Variants in NCAPG observed in about 807,000 individuals in gnomAD.
NCAPG encodes condensin complex subunit 3.
A neutral mutation model predicts 113.1 loss-of-function variants in NCAPG; 69 were observed. The observed-to-expected ratio is 0.61, with a 90% confidence interval of 0.50 to 0.75. NCAPG has a LOEUF of 0.75. NCAPG is among the 30% of genes least tolerant of loss of function. The pLI, the probability that NCAPG is intolerant of heterozygous loss-of-function variation, is 0.00. For synonymous variants in NCAPG, 370 were observed against 415.8 expected (o/e 0.89, Z 1.34); for missense variants, 1,058 against 1,177.0 (o/e 0.90, Z 1.48).
chr4:17,818,788 A>C (rs1041295764), intron 7 of NCAPG, among the ~76,000 whole-genome samples: 2 of 152,194 alleles, frequency 1.3e-5, no homozygotes, highest in Non-Finnish European at 2.9e-5. Context: ...AATTTGGATT[A>C]CCATAATTAT....
chr4:17,836,930 T>A (rs1216169336), intron 14 of NCAPG, among the ~76,000 whole-genome samples: 1 of 152,186 alleles, frequency 6.6e-6, no homozygotes, highest in Non-Finnish European at 1.5e-5. Flanking sequence ...GATAATTGAA[T>A]TTTTCATGGC....
Position 17,816,136 on chromosome 4 carries a change from G to A in NCAPG, c.775+778G>A, listed in dbSNP as rs1721199606. Among the ~76,000 whole-genome samples, 3 of 151,878 alleles carry A rather than the reference G, an allele frequency of 2.0e-5. No individual in the cohort carries two copies. The South Asian group carries it at 6.2e-4, about 32-fold the overall frequency. ...CCAAGGATCGATTTCATGGAAGACAGTTTTTCCACAGAGGGCGGGCTGGAT... is the reference window on the plus strand; with the variant it reads ...CCAAGGATCGATTTCATGGAAGACAATTTTTCCACAGAGGGCGGGCTGGAT... On this transcript the variant is annotated intron_variant, in intron 5 of 20. Transcript: ENST00000251496.
At chr4:17,839,407 CT>C in intron 16 of NCAPG, among the ~76,000 whole-genome samples, 1 of 152,232 alleles carries the variant, frequency 6.6e-6, no homozygotes, top group East Asian at 1.9e-4. Context: ...CAGCTGGGAA[CT>C]TTTACCCTCC....
At chr4:17,820,940 C>T (rs1721430249) in intron 7 of NCAPG, among the ~76,000 whole-genome samples, 1 of 152,088 alleles carries the variant, frequency 6.6e-6, no homozygotes. Flanking sequence ...TGTTGAAAGC[C>T]ATCTTAAATA....
Position 17,842,354 on chromosome 4 carries a change from C to CA in NCAPG, c.2900dup (p.Thr968AspfsTer3). The CA allele has an allele frequency of 6.2e-7, 1 of 1,612,142 alleles. No individual in the cohort carries two copies. The highest frequency in any genetic ancestry group is 8.5e-7 in the Non-Finnish European group (1 of 1,178,510). ...TTCAGCTAGGACGAACAGGAGGTGT[C>CA]AGACTGCTGAAGCCGACTCTGAAAG... On this transcript the variant is annotated frameshift_variant, in exon 20 of 21. Transcript: ENST00000251496. LOFTEE classifies it high-confidence loss of function.
intron 16 of NCAPG, 61 bp from the exon 17 acceptor site, chr4:17,839,615 A>G: frequency 8.5e-7 from 1 of 1,174,682 alleles, no homozygotes; most frequent in Non-Finnish European, 1.1e-6. Context: ...TTAGATGTGT[A>G]AGACTATATA....
chr4:17,837,016 CT>C, intron 14 of NCAPG, 142 bp from the exon 15 acceptor site: 1 of 631,790 alleles, frequency 1.6e-6, no homozygotes, highest in Admixed American at 3.6e-5. Context: ...AAGAAACAGT[CT>C]TTTTATTTGC....
chr4:17,813,199 C>T, intron 3 of NCAPG, 54 bp downstream of exon 3: 3 of 1,442,968 alleles, frequency 2.1e-6, no homozygotes, highest in Non-Finnish European at 1.9e-6. Flanking sequence ...GTTAAATTCT[C>T]AGTATTTGAA....
At position 17,823,047 on chromosome 4, in the gene NCAPG, T is replaced by C. The variant is rs973284657; in HGVS notation, c.1183T>C (p.Leu395=). 1 of 1,610,064 alleles carries C rather than the reference T, an allele frequency of 6.2e-7. No individual in the cohort carries two copies. The highest frequency in any genetic ancestry group is 8.5e-7 in the Non-Finnish European group (1 of 1,178,282). ...HRGDFSYIGN[L]MTKEFIGQQL... ...AGGTGATTTTTCCTATATTGGAAATTTGATGACAAAAGAATTCATAGGTCA... is the reference window on the plus strand; with the variant it reads ...AGGTGATTTTTCCTATATTGGAAATCTGATGACAAAAGAATTCATAGGTCA... Residue 395 remains leucine, a synonymous_variant, in exon 8 of 21, where the codon TTG becomes CTG. Coordinates refer to ENST00000251496, the MANE Select transcript of NCAPG (RefSeq NM_022346.5).
chr4:17,814,835 G>C lies in NCAPG; in HGVS notation c.545-18G>C. 1 of 1,606,418 alleles carries C rather than the reference G, an allele frequency of 6.2e-7. No individual in the cohort carries two copies. The highest frequency in any genetic ancestry group is 8.5e-7 in the Non-Finnish European group (1 of 1,173,590). On this transcript the variant is annotated intron_variant, in intron 3 of 20. Coordinates refer to ENST00000251496, the MANE Select transcript of NCAPG (RefSeq NM_022346.5). ...TAAATAATTTCATCAGTACTAAAAT[G>C]TATTGCTTTATTTTTAGCATATGCT... is the stretch of plus-strand genomic sequence containing the variant.
Position 17,834,223 on chromosome 4 carries a change from C to T in NCAPG, c.1885-76C>T, listed in dbSNP as rs1721990543. ...ATTTGACTAAGAAAAAAACAAGATA[C>T]ATATTAATTTTATGTAAACAGAAAC... On this transcript the variant is annotated intron_variant, in intron 13 of 20. Transcript: ENST00000251496. The T allele has an allele frequency of 5.4e-6, 5 of 919,392 alleles. No individual in the cohort carries two copies. In the East Asian group the frequency reaches 1.4e-4, roughly 26 times the overall value. 57.0% of individuals were successfully genotyped at this position (919,392 alleles called of 1,614,324 possible). A position where few individuals can be genotyped will look rare whatever the true frequency, so the allele number is the denominator to read the frequency against.
chr4:17,814,366 C>T (rs1166956180), intron 3 of NCAPG, among the ~76,000 whole-genome samples: 1 of 152,100 alleles, frequency 6.6e-6, no homozygotes, highest in Non-Finnish European at 1.5e-5. Context: ...AGCACTTTGG[C>T]TCCAACCTGG....
chr4:17,811,049 A>T lies in NCAPG; in HGVS notation c.-29A>T, dbSNP rs1720899743. ...TGGCAGGCTGTAGCCGAGCGCGGGC[A>T]GGACTCGTCCCGGCAGGGTTCCAGA... On this transcript the variant is annotated 5_prime_UTR_variant, in exon 1 of 21. Coordinates refer to ENST00000251496, the MANE Select transcript of NCAPG (RefSeq NM_022346.5). The surrounding 1 kb of genome is among the most constrained non-coding windows in gnomAD (Gnocchi z 5.3). The T allele has an allele frequency of 7.2e-7, 1 of 1,388,830 alleles. No individual in the cohort carries two copies. The highest frequency in any genetic ancestry group is 9.6e-7 in the Non-Finnish European group (1 of 1,040,740). The allele number at this position is 1,388,830 out of a possible 1,614,324, so 86.0% of individuals were successfully genotyped here. A position where few individuals can be genotyped will look rare whatever the true frequency, so the allele number is the denominator to read the frequency against.
rs140475750 is a variant in NCAPG at position 17,839,781 on chromosome 4, G to A, written c.2572G>A (p.Glu858Lys). ...RVYTKALSSL[E>K]LSSHLAKDLL... ...CTATACAAAAGCCTTGAGTTCTTTAGAACTCAGTAGCCATCTTGCAAAAGA... is the reference window on the plus strand; with the variant it reads ...CTATACAAAAGCCTTGAGTTCTTTAAAACTCAGTAGCCATCTTGCAAAAGA... Residue 858 changes from glutamate (E) to lysine (K), a missense_variant, in exon 17 of 21, where the codon GAA (glutamate) becomes AAA (lysine). By Grantham distance (56) the Glu-to-Lys change is moderately conservative. Transcript: ENST00000251496. 1,849 of 1,587,136 alleles carry A rather than the reference G, an allele frequency of 1.2e-3. 3 individuals carry two copies. Among genetic ancestry groups the A allele is most frequent in the Non-Finnish European group, 1.2e-3 (1,435 of 1,173,842 alleles).
intron 13 of NCAPG, among the ~76,000 whole-genome samples, chr4:17,832,819 A>G (rs1433113899): frequency 6.6e-6 from 1 of 152,072 alleles, no homozygotes; most frequent in African/African-American, 2.4e-5. Flanking sequence ...TAAAAGAGGA[A>G]TGGTGTGATT....
At chr4:17,827,760 G>GTT (rs796602901) in intron 11 of NCAPG, among the ~76,000 whole-genome samples, 7 of 133,852 alleles carry the variant, frequency 5.2e-5, no homozygotes, top group Non-Finnish European at 8.1e-5. Flanking sequence ...AGGTTGTCAG[G>GTT]TTTTTTTTTT....
At position 17,811,115 on chromosome 4, in the gene NCAPG, C is replaced by T. The variant is rs772812278; in HGVS notation, c.38C>T (p.Ala13Val). 5 of 1,533,082 alleles carry T rather than the reference C, an allele frequency of 3.3e-6. No individual in the cohort carries two copies. The highest frequency in any genetic ancestry group is 2.0e-5 in the Admixed American group (1 of 49,854). The allele number at this position is 1,533,082 out of a possible 1,614,324, so 95.0% of individuals were successfully genotyped here. ...AGGAGGCTGCTGTCGATTAAGGAGG[C>T]CTTTCGGCTGGCGCAGCAGCCGCAC... ...AERRLLSIKE[A>V]FRLAQQPHQN... is the part of the protein sequence containing the mutation. Residue 13 changes from alanine to valine, a missense_variant, in exon 1 of 21, where the codon GCC becomes GTC. Coordinates refer to ENST00000251496, the MANE Select transcript of NCAPG (RefSeq NM_022346.5). The surrounding 1 kb of genome is among the most constrained non-coding windows in gnomAD (Gnocchi z 5.3).
chr4:17,817,559 T>A, intron 6 of NCAPG, 106 bp downstream of exon 6: 2 of 879,472 alleles, frequency 2.3e-6, no homozygotes, highest in Non-Finnish European at 3.4e-6. Context: ...CCTTTAATCT[T>A]AACTCTCTTT....
rs759399182 is a variant in NCAPG, at chr4:17,843,307, A to C, written c.2930A>C (p.His977Pro). 6.2e-7 allele frequency: 1 copy of C among 1,611,410 alleles called. No individual in the cohort carries two copies. Among genetic ancestry groups the C allele is most frequent in the Non-Finnish European group, 8.5e-7 (1 of 1,177,978 alleles). Residue 977 changes from histidine to proline, a missense_variant, in exon 21 of 21, where the codon CAT becomes CCT. Transcript: ENST00000251496. ...QTAEADSESD[H>P]EVPEPESEMK... is the part of the protein sequence containing the mutation. ...TATTTTCAACATCTATTTAGTGATC[A>C]TGAAGTTCCAGAACCAGAATCAGAA...
Sources: allele counts gnomAD v4.1 joint callset (sites outside exome capture counted in the v4.1 genomes callset), GRCh38; gene constraint gnomAD v4.1.1; non-coding constraint Gnocchi (gnomAD v3.1); transcripts MANE v1.5; gene names NCBI Gene and HGNC (gene_info 2026-07-23, HGNC 2026-07-21).